The following MAP4K5 variants were observed in gnomAD, a reference collection of about 807,000 sequenced individuals.
MAP4K5 encodes the protein mitogen-activated protein kinase kinase kinase kinase 5, also known as MAPK/ERK kinase kinase kinase 5.
In MAP4K5, 82 loss-of-function variants were observed where a neutral mutation model predicts 135.6. That is an observed-to-expected ratio of 0.60 (90% CI 0.51 to 0.73). The LOEUF is 0.73. MAP4K5 is among the 30% of genes least tolerant of loss of function. The pLI is 0.00. For missense variants in MAP4K5, 907 were observed against 1,010.9 expected (o/e 0.90, Z 1.39); for synonymous variants, 347 against 335.0 (o/e 1.04, Z -0.39).
intron 3 of MAP4K5, 74 bp from the exon 4 acceptor site, chr14:50,486,268 C>A: frequency 1.7e-6 from 1 of 582,508 alleles, no homozygotes; most frequent in Non-Finnish European, 3.0e-6. Context: ...GAAAACTTTA[C>A]AATAAATATT....
chr14:50,539,554 G>C (rs759379741), intron 2 of MAP4K5, among the ~76,000 whole-genome samples: 5 of 152,210 alleles, frequency 3.3e-5, no homozygotes, highest in Non-Finnish European at 5.9e-5. Flanking sequence ...GTTCTGTTAT[G>C]CTAAAGTAAG....
intron 1 of MAP4K5, among the ~76,000 whole-genome samples, chr14:50,554,715 C>T (rs1478099305): frequency 1.3e-5 from 2 of 152,184 alleles, no homozygotes; most frequent in African/African-American, 4.8e-5. Context: ...TGTTTAAAAG[C>T]AGTTTAGAGA....
In MAP4K5 at chr14:50,440,358, T is replaced by G. The variant is rs763190178; in HGVS notation, c.1644+4A>C. 1.2e-5 allele frequency: 19 copies of G among 1,568,316 alleles called. No homozygotes were observed. Among genetic ancestry groups the G allele is most frequent in the Non-Finnish European group, 1.5e-5 (17 of 1,144,874 alleles). ...TAATTTCTTGAATTAAAATGCCTAATTACCTGTTCCATCGTTGCCTCATGT... is the reference window on the plus strand; with the variant it reads ...TAATTTCTTGAATTAAAATGCCTAAGTACCTGTTCCATCGTTGCCTCATGT... On this transcript the variant is annotated splice_donor_region_variant and intron_variant, in intron 22 of 32. Coordinates refer to ENST00000682126, the MANE Select transcript of MAP4K5 (RefSeq NM_006575.6).
chr14:50,464,262 C>T, intron 11 of MAP4K5, 129 bp from the exon 12 acceptor site: 1 of 581,496 alleles, frequency 1.7e-6, no homozygotes, highest in Non-Finnish European at 3.0e-6. Flanking sequence ...AGTTAAAGTA[C>T]AATATATTCC....
intron 32 of MAP4K5, 141 bp downstream of exon 32, chr14:50,422,976 TTCTC>T: frequency 4.0e-6 from 2 of 501,934 alleles, no homozygotes; most frequent in Non-Finnish European, 7.2e-6. Context: ...ATATTACTAA[TTCTC>T]TCAGTAAAGA....
At chr14:50,446,219 A>C in intron 16 of MAP4K5, 98 bp from the exon 17 acceptor site, 1 of 695,990 alleles carries the variant, frequency 1.4e-6, no homozygotes, top group Admixed American at 3.4e-5. Context: ...TTCTATACAG[A>C]GGATGTAAAA....
intron 1 of MAP4K5, 109 bp downstream of exon 1, chr14:50,532,339 C>T: frequency 3.0e-6 from 1 of 337,626 alleles, no homozygotes; most frequent in Non-Finnish European, 5.4e-6. Flanking sequence ...CCCTCCCCGG[C>T]CGCCCGCGAA....
At chr14:50,560,236 C>A (rs2038818978) in intron 1 of MAP4K5, 1 of 1,612,984 alleles carries the variant, frequency 6.2e-7, no homozygotes, top group African/African-American at 1.3e-5. Flanking sequence ...GCAGTGACAG[C>A]GCCTCACCGC....
chr14:50,469,355 T>C (rs1049687790), intron 9 of MAP4K5, among the ~76,000 whole-genome samples: 10 of 152,228 alleles, frequency 6.6e-5, no homozygotes, highest in African/African-American at 2.4e-4. Flanking sequence ...CAAATAAGTC[T>C]GTAATGGACA....
chr14:50,504,170 G>C (rs1055616131), intron 3 of MAP4K5, among the ~76,000 whole-genome samples: 61 of 152,088 alleles, frequency 4.0e-4, no homozygotes, highest in African/African-American at 1.3e-3. Flanking sequence ...CATAATTATG[G>C]TCACAAACTT....
chr14:50,503,489 T>C (rs2037748685), intron 3 of MAP4K5, among the ~76,000 whole-genome samples: 1 of 152,086 alleles, frequency 6.6e-6, no homozygotes, highest in East Asian at 1.9e-4. Context: ...ATCATACACA[T>C]ATTTTTCTTT....
At position 50,456,583 on chromosome 14, in the gene MAP4K5, G is replaced by T; in HGVS notation, c.948C>A (p.Ile316=). The T allele has an allele frequency of 6.4e-7, 1 of 1,570,422 alleles. No individual in the cohort carries two copies. ...ADDDDFEPHA[I]IRHTIRSTNR... is the part of the protein sequence containing the mutation. ...TTGTAGATCTAATGGTATGACGAAT[G>T]ATTGCATGGGGCTGTGAATATAAGC... Residue 316 remains isoleucine, a synonymous_variant, in exon 14 of 33, where the codon ATC becomes ATA. Coordinates refer to ENST00000682126, the MANE Select transcript of MAP4K5 (RefSeq NM_006575.6).
chr14:50,438,043 C>A (rs2036137948), intron 24 of MAP4K5, 35 bp from the exon 25 acceptor site: 2 of 1,103,234 alleles, frequency 1.8e-6, no homozygotes, highest in Admixed American at 1.7e-5. Flanking sequence ...TTTTGAGAAT[C>A]ATTTACAGCA....
chr14:50,504,020 A>G (rs754126354), intron 3 of MAP4K5, among the ~76,000 whole-genome samples: 3 of 152,114 alleles, frequency 2.0e-5, no homozygotes, highest in Non-Finnish European at 4.4e-5. Flanking sequence ...ATACTGGGAC[A>G]TATCTGAAAG....
intron 3 of MAP4K5, among the ~76,000 whole-genome samples, chr14:50,500,159 G>A (rs1478464196): frequency 6.6e-6 from 1 of 152,130 alleles, no homozygotes; most frequent in Non-Finnish European, 1.5e-5. Context: ...TGTCCCAAGT[G>A]GTGAAATATA....
chr14:50,442,859 A>G (rs746063320), intron 20 of MAP4K5, 43 bp from the exon 21 acceptor site: 14 of 1,128,346 alleles, frequency 1.2e-5, no homozygotes, highest in Non-Finnish European at 1.7e-5. Context: ...TGATTAGAAA[A>G]TTTTATATAT....
intron 2 of MAP4K5, among the ~76,000 whole-genome samples, chr14:50,513,388 A>G (rs962910895): frequency 2.0e-5 from 3 of 152,196 alleles, no homozygotes; most frequent in Non-Finnish European, 4.4e-5. Flanking sequence ...CTTCAGTAAT[A>G]TTATGCAATT....
At chr14:50,521,794 G>T (rs761987156) in intron 2 of MAP4K5, among the ~76,000 whole-genome samples, 4 of 152,164 alleles carry the variant, frequency 2.6e-5, no homozygotes, top group South Asian at 2.1e-4. Context: ...ATTATATTAG[G>T]CCTAAATTCA....
intron 6 of MAP4K5, among the ~76,000 whole-genome samples, chr14:50,479,606 T>A (rs571125951): frequency 3.3e-5 from 5 of 152,306 alleles, no homozygotes; most frequent in Non-Finnish European, 7.4e-5. Context: ...TTGTTAAGCA[T>A]CTTAAACAGT....
Sources: gnomAD v4.1 joint callset for allele counts (sites outside exome capture counted in the v4.1 genomes callset) on GRCh38, gnomAD v4.1.1 for gene constraint, MANE v1.5 for transcripts, NCBI Gene and HGNC (gene_info 2026-07-23, HGNC 2026-07-21) for gene names.